Variants in DLG2 observed in about 807,000 individuals in gnomAD.
DLG2 encodes the protein discs large MAGUK scaffold protein 2, also known as disks large homolog 2.
In DLG2, 45 loss-of-function variants were observed where a neutral mutation model predicts 132.5. The observed-to-expected ratio is 0.34, with a 90% CI of 0.27 to 0.44. The LOEUF is 0.44. DLG2 is among the 20% of genes least tolerant of loss of function. DLG2 has a pLI of 1.00. For synonymous variants in DLG2, 424 were observed against 419.6 expected, an observed-to-expected ratio of 1.01 and a Z score of -0.13; for missense variants, 1,045 against 1,196.9, an observed-to-expected ratio of 0.87 and a Z score of 1.87.
At chr11:84,586,965 A>T (rs969979158) in intron 6 of DLG2, among the ~76,000 whole-genome samples, 4 of 152,240 alleles carry the variant, frequency 2.6e-5, no homozygotes, top group Admixed American at 2.0e-4. Context: ...AAAGCTCATC[A>T]GTAAAGTCAG....
chr11:85,390,041 C>G (rs1366527990), intron 3 of DLG2, among the ~76,000 whole-genome samples: 1 of 152,066 alleles, frequency 6.6e-6, no homozygotes. Flanking sequence ...GGCCTAAATG[C>G]TCCACTTAAA....
intron 7 of DLG2, among the ~76,000 whole-genome samples, chr11:84,531,807 A>G (rs2099342352): frequency 6.6e-6 from 1 of 152,218 alleles, no homozygotes; most frequent in Non-Finnish European, 1.5e-5. Context: ...GAAGTGACAT[A>G]AATATAACAG....
At chr11:84,829,377 G>A (rs1410642587) in intron 6 of DLG2, among the ~76,000 whole-genome samples, 2 of 151,642 alleles carry the variant, frequency 1.3e-5, no homozygotes, top group Non-Finnish European at 3.0e-5. Flanking sequence ...CTTTAGCCTG[G>A]ATACCAGAAT....
rs188172588 is a variant in DLG2, at chr11:85,241,044, A to T, written c.186+44176T>A. 3.5e-3 allele frequency among the ~76,000 whole-genome samples: 526 copies of T among 151,762 alleles called. 5 individuals carry two copies. The highest frequency in any genetic ancestry group is 0.012 in the African/African-American group (494 of 41,508). ...CATATTAAATATCTCTATGAACATG[A>T]TTTTATTTATTTAGATATTATTAAT... On this transcript the variant is annotated intron_variant, in intron 4 of 27. Coordinates refer to ENST00000376104, the MANE Select transcript of DLG2 (RefSeq NM_001142699.3).
intron 6 of DLG2, among the ~76,000 whole-genome samples, chr11:84,741,168 G>A (rs1488695875): frequency 7.1e-6 from 1 of 140,398 alleles, no homozygotes; most frequent in East Asian, 2.2e-4. Flanking sequence ...CCGGGTTCAC[G>A]CCATTCTCCT....
chr11:84,812,973 C>T (rs1292858790), intron 6 of DLG2, among the ~76,000 whole-genome samples: 1 of 152,048 alleles, frequency 6.6e-6, no homozygotes, highest in Admixed American at 6.6e-5. Context: ...GAAATTTTCC[C>T]TTGTCTTGTT....
intron 4 of DLG2, among the ~76,000 whole-genome samples, chr11:85,207,445 CCTT>C (rs1309440668): frequency 4.6e-5 from 7 of 152,230 alleles, no homozygotes; most frequent in African/African-American, 1.7e-4. Context: ...AAAAACTACT[CCTT>C]CTATATTTTT....
At chr11:85,162,617 T>C (rs2078119000) in intron 4 of DLG2, among the ~76,000 whole-genome samples, 1 of 152,232 alleles carries the variant, frequency 6.6e-6, no homozygotes, top group African/African-American at 2.4e-5. Flanking sequence ...TTATGTGACA[T>C]AAAATTTATT....
chr11:84,799,939 A>G (rs545081581), intron 6 of DLG2, among the ~76,000 whole-genome samples: 2 of 152,308 alleles, frequency 1.3e-5, no homozygotes, highest in African/African-American at 4.8e-5. Context: ...TTCCATTTGC[A>G]TATGCTTTAT....
chr11:84,861,787 G>C lies in DLG2; in HGVS notation c.357+249874C>G, dbSNP rs531937723. Among the ~76,000 whole-genome samples, 10 of 152,024 alleles carry C rather than the reference G, an allele frequency of 6.6e-5. 1 individual carries two copies. In the South Asian group the frequency reaches 2.1e-3, roughly 32 times the overall value. On this transcript the variant is annotated intron_variant, in intron 6 of 27. Coordinates refer to ENST00000376104, the MANE Select transcript of DLG2 (RefSeq NM_001142699.3). ...AAAAAATAAACAACTCCATCAAAAA[G>C]TGGGCAAAGAATATGAACAGACACT...
chr11:83,871,485 G>A (rs1041168434), intron 16 of DLG2, among the ~76,000 whole-genome samples: 10 of 152,166 alleles, frequency 6.6e-5, no homozygotes, highest in African/African-American at 2.2e-4. Context: ...CTATGTAGTT[G>A]CTTTTCACAA....
At chr11:84,949,876 G>C (rs567106281) in intron 6 of DLG2, among the ~76,000 whole-genome samples, 45 of 152,316 alleles carry the variant, frequency 3.0e-4, no homozygotes, top group Admixed American at 7.2e-4. Context: ...GACAGGCATA[G>C]GAAATCACAA....
intron 8 of DLG2, among the ~76,000 whole-genome samples, chr11:84,166,450 C>G (rs1357851590): frequency 3.0e-5 from 4 of 131,642 alleles, no homozygotes; most frequent in Non-Finnish European, 4.6e-5. Context: ...TGCAGTGAGC[C>G]TAGATAGTGC....
chr11:84,554,619 G>T (rs572424779), intron 6 of DLG2, among the ~76,000 whole-genome samples: 2 of 152,144 alleles, frequency 1.3e-5, no homozygotes, highest in South Asian at 4.1e-4. Flanking sequence ...GGTGGCGCAT[G>T]CCTGTAATCT....
chr11:83,845,264 T>G (rs1450213138), intron 16 of DLG2, among the ~76,000 whole-genome samples: 1 of 152,158 alleles, frequency 6.6e-6, no homozygotes, highest in African/African-American at 2.4e-5. Context: ...CAAAAAGATC[T>G]TTTTAGTAGA....
At chr11:85,004,831 T>A (rs2058512472) in intron 6 of DLG2, among the ~76,000 whole-genome samples, 1 of 152,122 alleles carries the variant, frequency 6.6e-6, no homozygotes, top group South Asian at 2.1e-4. Context: ...ATTGCCAAGG[T>A]TTTCTTCTAG....
At chr11:85,008,486 GA>G (rs2058887815) in intron 6 of DLG2, among the ~76,000 whole-genome samples, 1 of 151,966 alleles carries the variant, frequency 6.6e-6, no homozygotes, top group South Asian at 2.1e-4. Flanking sequence ...AGTGAAGGGG[GA>G]AAAAGAATAT....
At chr11:84,308,642 C>T (rs2098254240) in intron 7 of DLG2, among the ~76,000 whole-genome samples, 1 of 152,026 alleles carries the variant, frequency 6.6e-6, no homozygotes, top group African/African-American at 2.4e-5. Flanking sequence ...CAGGAGCTCA[C>T]GGAGTGGGGG....
At chr11:84,306,403 A>T (rs118128675) in intron 7 of DLG2, among the ~76,000 whole-genome samples, 1,543 of 152,284 alleles carry the variant, frequency 0.01, 12 homozygotes, top group Non-Finnish European at 0.016. Context: ...TTGATGCAGG[A>T]GAGGTGTGTC....
Sources: allele counts gnomAD v4.1 joint callset (sites outside exome capture counted in the v4.1 genomes callset), GRCh38; gene constraint gnomAD v4.1.1; transcripts MANE v1.5; gene names NCBI Gene and HGNC (gene_info 2026-07-23, HGNC 2026-07-21).